Variants in AGBL1 observed in about 807,000 individuals in gnomAD.
The protein encoded by AGBL1 is AGBL carboxypeptidase 1, also known as cytosolic carboxypeptidase 4.
Under a neutral mutation model 118.9 loss-of-function variants are expected in AGBL1, and 130 were observed. The observed-to-expected ratio is 1.09, with a 90% CI of 0.95 to 1.26. The LOEUF is 1.26. Ranked by LOEUF, AGBL1 falls within the 50% of genes most tolerant of loss-of-function variation. The pLI, the probability that AGBL1 is intolerant of heterozygous loss-of-function variation, is 0.00. For missense variants in AGBL1, 1,584 were observed against 1,298.1 expected, an observed-to-expected ratio of 1.22 and a Z score of -3.38; for synonymous variants, 555 against 478.9, an observed-to-expected ratio of 1.16 and a Z score of -2.08.
At chr15:86,300,251 A>C (rs904688961) in intron 17 of AGBL1, among the ~76,000 whole-genome samples, 1 of 152,100 alleles carries the variant, frequency 6.6e-6, no homozygotes, top group Non-Finnish European at 1.5e-5. Flanking sequence ...CATTGCTCTC[A>C]CAACCTCGCA....
chr15:86,354,142 C>A (rs1219445052), intron 17 of AGBL1, among the ~76,000 whole-genome samples: 1 of 152,156 alleles, frequency 6.6e-6, no homozygotes, highest in Non-Finnish European at 1.5e-5. Flanking sequence ...GTACATGGAA[C>A]AACAGATACT....
At chr15:86,120,152 C>T (rs1225493544) in intron 1 of AGBL1, among the ~76,000 whole-genome samples, 1 of 152,198 alleles carries the variant, frequency 6.6e-6, no homozygotes, top group Non-Finnish European at 1.5e-5. Flanking sequence ...CCCATCCTGC[C>T]TTCCCAGGTC....
Position 86,262,689 on chromosome 15 carries a change from A to T in AGBL1, c.970-89A>T, listed in dbSNP as rs1232385333. On this transcript the variant is annotated intron_variant, in intron 9 of 22. Transcript: ENST00000614907. Reference sequence around the variant, plus strand: ...GGAGGCAAGAAAACCATGTCCTAAGATTCTGAAGAAGCACATACATATCAT... The same window carrying T: ...GGAGGCAAGAAAACCATGTCCTAAGTTTCTGAAGAAGCACATACATATCAT... 4.5e-6 allele frequency: 4 copies of T among 888,080 alleles called. No individual in the cohort carries two copies. In the Admixed American group the frequency reaches 8.0e-5, roughly 18 times the overall value. 55.0% of individuals were successfully genotyped at this position (888,080 alleles called of 1,614,324 possible). A position where few individuals can be genotyped will look rare whatever the true frequency, so the allele number is the denominator to read the frequency against.
chr15:86,733,355 G>C (rs1176119975), intron 22 of AGBL1, among the ~76,000 whole-genome samples: 1 of 152,032 alleles, frequency 6.6e-6, no homozygotes, highest in African/African-American at 2.4e-5. Context: ...ATTGTATGAT[G>C]GCCAACCACT....
At chr15:86,112,347 T>A (rs190133990) in intron 1 of AGBL1, among the ~76,000 whole-genome samples, 4 of 152,186 alleles carry the variant, frequency 2.6e-5, no homozygotes, top group Non-Finnish European at 4.4e-5. Context: ...TCCGTTTATA[T>A]GCATGTTTAA....
intron 23 of AGBL1, among the ~76,000 whole-genome samples, chr15:86,985,147 G>A (rs571257846): frequency 6.6e-6 from 1 of 152,234 alleles, no homozygotes; most frequent in East Asian, 1.9e-4. Flanking sequence ...CTTAATGATG[G>A]GAATTTGGAT....
chr15:86,712,768 C>T (rs1555441677), intron 22 of AGBL1, among the ~76,000 whole-genome samples: 1 of 152,054 alleles, frequency 6.6e-6, no homozygotes, highest in African/African-American at 2.4e-5. Flanking sequence ...CATTAAGTAA[C>T]AAAAAAGATG....
chr15:86,731,975 G>C (rs1334331892), intron 22 of AGBL1, among the ~76,000 whole-genome samples: 1 of 152,196 alleles, frequency 6.6e-6, no homozygotes, highest in Non-Finnish European at 1.5e-5. Flanking sequence ...GCACTGATCT[G>C]CAGTCACTCT....
intron 22 of AGBL1, among the ~76,000 whole-genome samples, chr15:86,698,719 G>T (rs961329595): frequency 2.6e-5 from 4 of 151,252 alleles, no homozygotes; most frequent in African/African-American, 7.3e-5. Context: ...ATCTAGTGCT[G>T]CAGTTTTTCT....
intron 22 of AGBL1, among the ~76,000 whole-genome samples, chr15:86,842,903 C>T (rs530780524): frequency 6.6e-6 from 1 of 152,180 alleles, no homozygotes; most frequent in East Asian, 1.9e-4. Context: ...ACACTCCCTC[C>T]CCTTTGCTTC....
At chr15:86,118,423 C>T (rs1305115896) in intron 1 of AGBL1, among the ~76,000 whole-genome samples, 1 of 151,966 alleles carries the variant, frequency 6.6e-6, no homozygotes, top group Non-Finnish European at 1.5e-5. Context: ...ACCACGTACA[C>T]TGTTGGCCCT....
At chr15:86,476,537 T>C (rs2082561471) in intron 18 of AGBL1, among the ~76,000 whole-genome samples, 1 of 152,220 alleles carries the variant, frequency 6.6e-6, no homozygotes, top group African/African-American at 2.4e-5. Context: ...CTAACCATCC[T>C]AAATATATAT....
At chr15:86,123,093 A>G (rs1412279590) in intron 1 of AGBL1, among the ~76,000 whole-genome samples, 1 of 152,166 alleles carries the variant, frequency 6.6e-6, no homozygotes, top group African/African-American at 2.4e-5. Context: ...GAGAATCTCT[A>G]TTCCTTTCTA....
intron 22 of AGBL1, among the ~76,000 whole-genome samples, chr15:86,826,008 T>A (rs969188549): frequency 6.8e-6 from 1 of 147,940 alleles, no homozygotes; most frequent in East Asian, 2.0e-4. Context: ...GTACCTTTCA[T>A]TGAGTTCCCT....
chr15:86,448,421 G>A lies in AGBL1; in HGVS notation c.2555+50875G>A, dbSNP rs557083371. Among the ~76,000 whole-genome samples the A allele has an allele frequency of 2.2e-4, 34 of 152,306 alleles. No homozygotes were observed. In the South Asian group the frequency reaches 6.6e-3, roughly 30 times the overall value. On this transcript the variant is annotated intron_variant, in intron 18 of 22. Coordinates refer to ENST00000614907, the MANE Select transcript of AGBL1 (RefSeq NM_001386094.1). ...GTTAAGCATGCTGATATCATTGAGG[G>A]TAGAGCCATGCGTAGTTGACTACTA...
chr15:86,740,303 A>T lies in AGBL1; in HGVS notation c.3158+65867A>T, dbSNP rs138014677. ...TCATGCTGAATTTCATTAACTAGGT[A>T]ACCATTAACTGCTCTGAACCTCTGT... On this transcript the variant is annotated intron_variant, in intron 22 of 22. Transcript: ENST00000614907. 1.7e-4 allele frequency among the ~76,000 whole-genome samples: 26 copies of T among 152,350 alleles called. No homozygotes were observed. In the East Asian group the frequency reaches 4.8e-3, roughly 28 times the overall value.
At chr15:86,498,209 C>T (rs1218222313) in intron 18 of AGBL1, among the ~76,000 whole-genome samples, 1 of 151,740 alleles carries the variant, frequency 6.6e-6, no homozygotes, top group Non-Finnish European at 1.5e-5. Flanking sequence ...ATAATTGACC[C>T]CCAATTCAGA....
chr15:86,088,239 G>A (rs1291404541), intron 1 of AGBL1: 2 of 152,422 alleles, frequency 1.3e-5, no homozygotes, highest in East Asian at 3.9e-4. Flanking sequence ...GGGAGACGGA[G>A]TGGAAAGGTA....
Position 86,912,249 on chromosome 15 carries a change from G to A in AGBL1, c.*4955G>A, listed in dbSNP as rs1456056536. ...TGCCATGGAAGAGTTCCCAGTGCGA[G>A]GCGAGCTTAACAAGGGGCAGGGTGT... On this transcript the variant is annotated 3_prime_UTR_variant, in exon 23 of 23. Transcript: ENST00000614907. The A allele has an allele frequency of 6.6e-6, 1 of 152,186 alleles. No homozygotes were observed. Among genetic ancestry groups the A allele is most frequent in the African/African-American group, 2.4e-5 (1 of 41,416 alleles). The allele number at this position is 152,186 out of a possible 1,614,324, so 9.4% of individuals were successfully genotyped here. A position where few individuals can be genotyped will look rare whatever the true frequency, so the allele number is the denominator to read the frequency against.
Sources: gnomAD v4.1 joint callset for allele counts (sites outside exome capture counted in the v4.1 genomes callset) on GRCh38, gnomAD v4.1.1 for gene constraint, MANE v1.5 for transcripts, NCBI Gene and HGNC (gene_info 2026-07-23, HGNC 2026-07-21) for gene names.